AKAP10: variants seen among roughly 807,000 people sequenced by gnomAD.
The protein encoded by AKAP10 is A-kinase anchoring protein 10.
Under a neutral mutation model 80.8 loss-of-function variants are expected in AKAP10, and 24 were observed. The observed-to-expected ratio is 0.30, with a 90% CI of 0.22 to 0.42. AKAP10 has a LOEUF of 0.42. Ranked by LOEUF, AKAP10 falls within the 10% of genes least tolerant of loss-of-function variation. The pLI is 1.00. For synonymous variants in AKAP10, 291 were observed against 277.7 expected (o/e 1.05, Z -0.48); for missense variants, 661 against 794.9 (o/e 0.83, Z 2.03).
Position 19,947,512 on chromosome 17 carries a change from G to C in AKAP10, c.878-7C>G, listed in dbSNP as rs1217752775. 6.3e-7 allele frequency: 1 copy of C among 1,599,996 alleles called. No homozygotes were observed. Among genetic ancestry groups the C allele is most frequent in the Admixed American group, 1.7e-5 (1 of 59,492 alleles). ...ACTGCATCTTGTTCTATACCTGCAA[G>C]GGAAGAAGAGAACTTCAAAAACCAA... is the stretch of plus-strand genomic sequence containing the variant. On this transcript the variant is annotated splice_region_variant and splice_polypyrimidine_tract_variant and intron_variant, in intron 4 of 14. Transcript: ENST00000225737.
chr17:19,920,298 T>C (rs2042795800), intron 11 of AKAP10, among the ~76,000 whole-genome samples, 180 bp from the exon 12 acceptor site: 1 of 152,222 alleles, frequency 6.6e-6, no homozygotes, highest in Admixed American at 6.5e-5. Context: ...GAAAGCAAGA[T>C]AATCTTTAAT....
rs1171891537 is a variant in AKAP10 at position 19,946,237 on chromosome 17, T to TTATATATA, written c.976+1162_976+1169dup. On this transcript the variant is annotated intron_variant, in intron 5 of 14. Transcript: ENST00000225737. ...TATATATATTTTATATATATATATA[T>TTATATATA]TATATATATATATATATATATATAT... Among the ~76,000 whole-genome samples, 43 of 15,132 alleles carry TTATATATA rather than the reference T, an allele frequency of 2.8e-3. 1 individual carries two copies. The highest frequency in any genetic ancestry group is 4.5e-3 in the Admixed American group (3 of 672). 9.9% of individuals were successfully genotyped at this position (15,132 alleles called of 152,430 possible). A position where few individuals can be genotyped will look rare whatever the true frequency, so the allele number is the denominator to read the frequency against.
In AKAP10 at chr17:19,936,357, A is replaced by C; in HGVS notation, c.1396T>G (p.Cys466Gly). ...VVRLEIESNI[C>G]REGGPLPNCF... is the part of the protein sequence containing the mutation. ...TTGGGGAGTGGCCCACCTTCCCTGC[A>C]GATATTGGATTCAATTTCTAATCGT... is the stretch of plus-strand genomic sequence containing the variant. The change falls in exon 9 of 15, where the codon TGC becomes GGC. Residue 466 changes from cysteine to glycine, a missense_variant. By Grantham distance (159) the Cys-to-Gly change is radical. Transcript: ENST00000225737. 6.2e-7 allele frequency: 1 copy of C among 1,613,836 alleles called. No individual in the cohort carries two copies. Among genetic ancestry groups the C allele is most frequent in the South Asian group, 1.1e-5 (1 of 91,048 alleles).
chr17:19,970,687 G>C (rs1468894010), intron 1 of AKAP10, among the ~76,000 whole-genome samples: 1 of 152,132 alleles, frequency 6.6e-6, no homozygotes, highest in African/African-American at 2.4e-5. Flanking sequence ...GCAGGGTGTG[G>C]TGGCGGGTAC....
intron 5 of AKAP10, among the ~76,000 whole-genome samples, chr17:19,944,761 A>T (rs1383423939): frequency 6.6e-6 from 1 of 152,206 alleles, no homozygotes; most frequent in African/African-American, 2.4e-5. Flanking sequence ...CTGTACCTTC[A>T]AAGTTTTTAA....
chr17:19,928,019 T>A (rs1597497197), intron 10 of AKAP10, among the ~76,000 whole-genome samples: 1 of 149,974 alleles, frequency 6.7e-6, no homozygotes, highest in Non-Finnish European at 1.5e-5. Flanking sequence ...CAGGAGTTTG[T>A]GACCAGCCTG....
At chr17:19,970,294 A>G (rs1472230321) in intron 1 of AKAP10, among the ~76,000 whole-genome samples, 1 of 152,202 alleles carries the variant, frequency 6.6e-6, no homozygotes, top group African/African-American at 2.4e-5. Context: ...ACTATGACCA[A>G]CTGATTCTAC....
At chr17:19,941,751 G>T in intron 6 of AKAP10, 75 bp downstream of exon 6, 1 of 1,078,178 alleles carries the variant, frequency 9.3e-7, no homozygotes. Flanking sequence ...TTTGTTTTTA[G>T]CTGAGTGAAG....
intron 1 of AKAP10, among the ~76,000 whole-genome samples, chr17:19,969,486 G>A (rs925109810): frequency 6.6e-6 from 1 of 151,524 alleles, no homozygotes; most frequent in South Asian, 2.1e-4. Context: ...TAAGCCAAGT[G>A]TGAATTCTAT....
intron 12 of AKAP10, among the ~76,000 whole-genome samples, chr17:19,916,635 A>AT (rs1353258594): frequency 2.6e-5 from 4 of 151,604 alleles, no homozygotes; most frequent in East Asian, 1.9e-4. Flanking sequence ...ATGAGACCAG[A>AT]TTAAAAAAAA....
intron 10 of AKAP10, 48 bp from the exon 11 acceptor site, chr17:19,924,565 GGGCTT>G: frequency 7.8e-7 from 1 of 1,274,380 alleles, no homozygotes; most frequent in Non-Finnish European, 1.1e-6. Flanking sequence ...AATCAGTCCT[GGGCTT>G]GGAATGTGAC....
At chr17:19,915,037 G>A (rs1207180563) in intron 12 of AKAP10, among the ~76,000 whole-genome samples, 2 of 152,152 alleles carry the variant, frequency 1.3e-5, no homozygotes, top group East Asian at 3.9e-4. Flanking sequence ...TATGCATAGG[G>A]CAAGAAAGTT....
intron 8 of AKAP10, among the ~76,000 whole-genome samples, chr17:19,938,332 G>A (rs1202676525): frequency 6.6e-6 from 1 of 151,388 alleles, no homozygotes; most frequent in Non-Finnish European, 1.5e-5. Flanking sequence ...CACCTCCCGG[G>A]CTCGAGCAAT....
chr17:19,906,733 T>C (rs1287795526), intron 14 of AKAP10, among the ~76,000 whole-genome samples: 1 of 152,216 alleles, frequency 6.6e-6, no homozygotes, highest in Admixed American at 6.5e-5. Flanking sequence ...TAGTTTATGC[T>C]GAATGTCCAA....
chr17:19,908,726 G>A (rs773361187), intron 14 of AKAP10, among the ~76,000 whole-genome samples: 6 of 149,334 alleles, frequency 4.0e-5, no homozygotes, highest in Admixed American at 2.0e-4. Flanking sequence ...TGCAACCTCC[G>A]CCTCCCTGGT....
At position 19,957,874 on chromosome 17, in the gene AKAP10, C is replaced by T. The variant is rs1203396388; in HGVS notation, c.877+140G>A. On this transcript the variant is annotated intron_variant, in intron 4 of 14. Transcript: ENST00000225737. ...CACTGATCTGACTCTACTACACTCTCCAAATTCTCCCAAATTTACAAGTAG... is the reference window on the plus strand; with the variant it reads ...CACTGATCTGACTCTACTACACTCTTCAAATTCTCCCAAATTTACAAGTAG... The T allele has an allele frequency of 1.5e-5, 13 of 896,356 alleles. No individual in the cohort carries two copies. In the South Asian group the frequency reaches 2.1e-4, roughly 15 times the overall value. The allele number at this position is 896,356 out of a possible 1,614,324, so 55.5% of individuals were successfully genotyped here. A position where few individuals can be genotyped will look rare whatever the true frequency, so the allele number is the denominator to read the frequency against.
chr17:19,911,893 G>C (rs1231397321), intron 12 of AKAP10, among the ~76,000 whole-genome samples: 1 of 145,212 alleles, frequency 6.9e-6, no homozygotes, highest in African/African-American at 2.5e-5. Context: ...TCTACATGAT[G>C]GGAGTCAGTC....
intron 5 of AKAP10, among the ~76,000 whole-genome samples, chr17:19,944,277 T>C (rs976952091): frequency 6.6e-6 from 1 of 152,286 alleles, no homozygotes; most frequent in Middle Eastern, 3.4e-3. Context: ...CTGTCCCCTC[T>C]CCTACATCAA....
At chr17:19,946,166 AAT>A (rs1567764988) in intron 5 of AKAP10, among the ~76,000 whole-genome samples, 1 of 104,092 alleles carries the variant, frequency 9.6e-6, no homozygotes, top group South Asian at 2.6e-4. Flanking sequence ...ACTAATATAT[AAT>A]ATATACTATA....
Sources: allele counts gnomAD v4.1 joint callset (sites outside exome capture counted in the v4.1 genomes callset), GRCh38; gene constraint gnomAD v4.1.1; transcripts MANE v1.5; gene names NCBI Gene and HGNC (gene_info 2026-07-23, HGNC 2026-07-21).